IGDCC3: variants seen among roughly 807,000 people sequenced by gnomAD.
IGDCC3 encodes immunoglobulin superfamily DCC subclass member 3, also known as putative neuronal cell adhesion molecule.
In IGDCC3, 47 loss-of-function variants were observed where a neutral mutation model predicts 72.0. The observed-to-expected ratio is 0.65, with a 90% CI of 0.52 to 0.83. The LOEUF (loss-of-function observed/expected upper bound fraction) is 0.83. IGDCC3 is among the 40% of genes least tolerant of loss of function. The pLI, the probability that IGDCC3 is intolerant of heterozygous loss-of-function variation, is 0.00. For synonymous variants in IGDCC3, 477 were observed against 472.8 expected (o/e 1.01, Z -0.11); for missense variants, 1,038 against 1,091.3 (o/e 0.95, Z 0.69).
chr15:65,342,575 G>A (rs916410985), intron 2 of IGDCC3, among the ~76,000 whole-genome samples: 3 of 152,100 alleles, frequency 2.0e-5, no homozygotes, highest in Admixed American at 6.5e-5. Context: ...AAGCAAGGTC[G>A]TGGACTCCCC....
At chr15:65,364,403 C>G (rs941289306) in intron 2 of IGDCC3, among the ~76,000 whole-genome samples, 4 of 150,630 alleles carry the variant, frequency 2.7e-5, no homozygotes, top group African/African-American at 9.7e-5. Flanking sequence ...CCATATTACT[C>G]TGACCACATT....
Position 65,329,587 on chromosome 15 carries a change from A to G in IGDCC3, c.2008T>C (p.Cys670Arg). 5 of 1,612,940 alleles carry G rather than the reference A, an allele frequency of 3.1e-6. No individual in the cohort carries two copies. The highest frequency in any genetic ancestry group is 4.2e-6 in the Non-Finnish European group (5 of 1,179,708). The change falls in exon 13 of 14, where the codon TGT (cysteine) becomes CGT (arginine). Residue 670 changes from cysteine to arginine, a missense_variant. By Grantham distance (180) the Cys-to-Arg change is radical. Transcript: ENST00000327987. This position sits in a 1 kb window ranked among gnomAD's most constrained non-coding sequence, Gnocchi z 4.1. Reference sequence around the variant, plus strand: ...GACAGCTGGTTTTCCACATCTTTACACAGGAGGACCCTAAGGGTTAGCCAA... The same window carrying G: ...GACAGCTGGTTTTCCACATCTTTACGCAGGAGGACCCTAAGGGTTAGCCAA... ...LFGQRGRVLL[C>R]KDVENQLSPP...
chr15:65,366,741 G>A (rs574198478), intron 2 of IGDCC3, among the ~76,000 whole-genome samples: 14 of 152,226 alleles, frequency 9.2e-5, no homozygotes, highest in African/African-American at 3.4e-4. Context: ...CCTGCAGTCT[G>A]GGGGTCTGCC....
At chr15:65,361,687 C>A (rs1424661011) in intron 2 of IGDCC3, among the ~76,000 whole-genome samples, 2 of 116,704 alleles carry the variant, frequency 1.7e-5, no homozygotes, top group Non-Finnish European at 3.6e-5. Context: ...AGCGAGGACA[C>A]ACGCACACTC....
chr15:65,330,149 C>A (rs2090963204), intron 11 of IGDCC3, 144 bp downstream of exon 11: 2 of 716,112 alleles, frequency 2.8e-6, no homozygotes, highest in Non-Finnish European at 4.8e-6. Flanking sequence ...GTAACTTGAC[C>A]AAGGTCACAC....
At chr15:65,366,669 T>A (rs565921041) in intron 2 of IGDCC3, among the ~76,000 whole-genome samples, 1 of 152,278 alleles carries the variant, frequency 6.6e-6, no homozygotes, top group Non-Finnish European at 1.5e-5. Flanking sequence ...CTGAGTCAGG[T>A]GAGCCAGTCC....
chr15:65,349,939 C>G (rs1408907955), intron 2 of IGDCC3, among the ~76,000 whole-genome samples: 1 of 152,132 alleles, frequency 6.6e-6, no homozygotes, highest in African/African-American at 2.4e-5. Flanking sequence ...AGTTCCCCAT[C>G]TAGGAAGTAA....
intron 2 of IGDCC3, among the ~76,000 whole-genome samples, chr15:65,355,334 CG>C (rs1274362819): frequency 6.6e-6 from 1 of 152,180 alleles, no homozygotes; most frequent in African/African-American, 2.4e-5. Context: ...CCATCCCCCC[CG>C]CTCTTCTCCC....
intron 3 of IGDCC3, 27 bp from the exon 4 acceptor site, chr15:65,335,448 C>T (rs1051425549): frequency 6.3e-7 from 1 of 1,591,430 alleles, no homozygotes; most frequent in Non-Finnish European, 8.6e-7. Flanking sequence ...CATAGTTGGC[C>T]ACCAGCACAG....
At chr15:65,352,155 C>A (rs2091178756) in intron 2 of IGDCC3, among the ~76,000 whole-genome samples, 1 of 152,152 alleles carries the variant, frequency 6.6e-6, no homozygotes, top group African/African-American at 2.4e-5. Context: ...TTGCTTAAAA[C>A]GTTGCTGATC....
intron 1 of IGDCC3, 49 bp from the exon 2 acceptor site, chr15:65,375,451 A>G: frequency 6.8e-7 from 1 of 1,460,968 alleles, no homozygotes; most frequent in Non-Finnish European, 9.3e-7. Flanking sequence ...TTAGTATGAA[A>G]TGAACATCCA....
intron 2 of IGDCC3, among the ~76,000 whole-genome samples, chr15:65,359,929 G>A (rs936195393): frequency 3.3e-5 from 5 of 151,998 alleles, no homozygotes. Flanking sequence ...TGAGTTATTG[G>A]GGGCGAGTGA....
chr15:65,334,367 C>T (rs1304109204), intron 5 of IGDCC3, among the ~76,000 whole-genome samples: 2 of 151,956 alleles, frequency 1.3e-5, no homozygotes, highest in African/African-American at 2.4e-5. Context: ...CTGAGGAACA[C>T]GGCCAGAGTA....
chr15:65,368,273 T>C (rs2091301335), intron 2 of IGDCC3, among the ~76,000 whole-genome samples: 1 of 151,734 alleles, frequency 6.6e-6, no homozygotes, highest in Non-Finnish European at 1.5e-5. Flanking sequence ...GAAAAAGTCC[T>C]TTCTCCCTGG....
chr15:65,358,434 A>G (rs1181763472), intron 2 of IGDCC3, among the ~76,000 whole-genome samples: 1 of 152,190 alleles, frequency 6.6e-6, no homozygotes, highest in Admixed American at 6.5e-5. Context: ...TATACAGGCC[A>G]CTAGCTTCAT....
At chr15:65,344,210 T>C (rs2091106341) in intron 2 of IGDCC3, among the ~76,000 whole-genome samples, 1 of 152,084 alleles carries the variant, frequency 6.6e-6, no homozygotes, top group South Asian at 2.1e-4. Flanking sequence ...GTGTCTGGCA[T>C]TTACAAATAG....
In IGDCC3 at chr15:65,331,442, C is replaced by T. The variant is rs1382372954; in HGVS notation, c.1366G>A (p.Gly456Ser). The T allele has an allele frequency of 3.1e-6, 5 of 1,610,924 alleles. No homozygotes were observed. The highest frequency in any genetic ancestry group is 2.7e-5 in the African/African-American group (2 of 74,876). ...EPLANTKEII[G>S]YVLHIRKAAD... Reference sequence around the variant, plus strand: ...GCCTTCCTGATGTGCAGGACGTAGCCGATGATCTCCTTGGTGTTGGCCAGC... The same window carrying T: ...GCCTTCCTGATGTGCAGGACGTAGCTGATGATCTCCTTGGTGTTGGCCAGC... The change falls in exon 8 of 14, where the codon GGC (glycine) becomes AGC (serine). Residue 456 changes from glycine to serine, a missense_variant. Physicochemically the swap from Gly to Ser is moderately conservative, Grantham distance 56. Coordinates refer to ENST00000327987, the MANE Select transcript of IGDCC3 (RefSeq NM_004884.4).
chr15:65,355,298 G>C (rs893977138), intron 2 of IGDCC3, among the ~76,000 whole-genome samples: 5 of 152,186 alleles, frequency 3.3e-5, no homozygotes, highest in African/African-American at 9.7e-5. Context: ...TCCACTCCTC[G>C]GAGGTCAGCG....
At chr15:65,330,187 A>G (rs2090963510) in intron 11 of IGDCC3, 106 bp downstream of exon 11, 2 of 864,762 alleles carry the variant, frequency 2.3e-6, no homozygotes, top group East Asian at 2.4e-5. Flanking sequence ...CCAAGCTTCA[A>G]ACTGTGGTCT....
Sources: allele counts gnomAD v4.1 joint callset (sites outside exome capture counted in the v4.1 genomes callset), GRCh38; gene constraint gnomAD v4.1.1; non-coding constraint Gnocchi (gnomAD v3.1); transcripts MANE v1.5; gene names NCBI Gene and HGNC (gene_info 2026-07-23, HGNC 2026-07-21).